Variants in CADM2 observed in about 807,000 individuals in gnomAD.
CADM2 encodes cell adhesion molecule 2, also known as immunoglobulin superfamily member 4D.
CADM2 carries 12 observed loss-of-function variants against 49.8 expected under a neutral mutation model. The observed-to-expected ratio is 0.24, with a 90% CI of 0.15 to 0.39. The LOEUF is 0.39. Among genes scored for constraint, CADM2 ranks in the 10% least tolerant of loss-of-function variants. The pLI, the probability that CADM2 is intolerant of heterozygous loss-of-function variation, is 1.00. For missense variants in CADM2, 378 were observed against 492.3 expected, an observed-to-expected ratio of 0.77 and a Z score of 2.20; for synonymous variants, 214 against 175.4, an observed-to-expected ratio of 1.22 and a Z score of -1.74.
intron 1 of CADM2, among the ~76,000 whole-genome samples, chr3:85,179,452 T>C (rs2040868724): frequency 6.6e-6 from 1 of 152,062 alleles, no homozygotes; most frequent in Non-Finnish European, 1.5e-5. Context: ...TTGCTTTTTT[T>C]TGGTATGTTT....
intron 3 of CADM2, among the ~76,000 whole-genome samples, chr3:85,883,008 C>T (rs1057361448): frequency 6.6e-6 from 1 of 152,148 alleles, no homozygotes; most frequent in Non-Finnish European, 1.5e-5. Context: ...CTATGTTTAT[C>T]AACATCAGTA....
intron 1 of CADM2, among the ~76,000 whole-genome samples, chr3:85,665,978 A>G (rs1188526678): frequency 4.6e-5 from 7 of 151,988 alleles, no homozygotes; most frequent in Admixed American, 4.6e-4. Context: ...ACATGAGTGT[A>G]TATTTAGAAA....
intron 1 of CADM2, among the ~76,000 whole-genome samples, chr3:85,007,283 G>T (rs1335442146): frequency 6.6e-6 from 1 of 152,012 alleles, no homozygotes; most frequent in Non-Finnish European, 1.5e-5. Context: ...CTAGTGTGAG[G>T]TCAGCAATTT....
At chr3:85,635,279 C>T (rs1397611744) in intron 1 of CADM2, among the ~76,000 whole-genome samples, 1 of 152,036 alleles carries the variant, frequency 6.6e-6, no homozygotes, top group Non-Finnish European at 1.5e-5. Flanking sequence ...GGAATAGAAC[C>T]TAGATCTTCT....
chr3:85,870,872 C>T (rs539085545), intron 3 of CADM2, among the ~76,000 whole-genome samples: 4 of 152,078 alleles, frequency 2.6e-5, no homozygotes, highest in South Asian at 4.1e-4. Flanking sequence ...CCTTCTTATA[C>T]CATATACAAA....
chr3:85,407,890 T>C (rs1396606621), intron 1 of CADM2, among the ~76,000 whole-genome samples: 2 of 151,382 alleles, frequency 1.3e-5, no homozygotes, highest in African/African-American at 4.9e-5. Flanking sequence ...GTGCCTGCAG[T>C]CCTAGCTACT....
intron 1 of CADM2, among the ~76,000 whole-genome samples, chr3:85,149,109 TA>T (rs60149715): frequency 1.3e-5 from 2 of 151,728 alleles, no homozygotes; most frequent in Non-Finnish European, 2.9e-5. Flanking sequence ...CTTTTTTTTT[TA>T]AAAAAATCAA....
At chr3:85,445,269 T>C (rs4856572) in intron 1 of CADM2, among the ~76,000 whole-genome samples, 76,245 of 151,880 alleles carry the variant, frequency 0.5, 22,288 homozygotes, top group East Asian at 0.83. Flanking sequence ...GATTCACCAT[T>C]AAGGGTGGCA....
chr3:85,265,187 A>G (rs1307076399), intron 1 of CADM2, among the ~76,000 whole-genome samples: 2 of 152,038 alleles, frequency 1.3e-5, no homozygotes, highest in Non-Finnish European at 2.9e-5. Context: ...CCATAATGAC[A>G]AAACTTTAGA....
At chr3:85,773,051 C>A (rs1480172518) in intron 2 of CADM2, among the ~76,000 whole-genome samples, 1 of 151,972 alleles carries the variant, frequency 6.6e-6, no homozygotes, top group Non-Finnish European at 1.5e-5. Flanking sequence ...AGCTGAGATA[C>A]ACATATTTTT....
chr3:86,042,607 A>G (rs2107255945), intron 8 of CADM2, among the ~76,000 whole-genome samples: 1 of 152,156 alleles, frequency 6.6e-6, no homozygotes, highest in East Asian at 1.9e-4. Flanking sequence ...AACCAAAAAA[A>G]GTCCAGGACC....
At chr3:85,389,559 A>G (rs1368743) in intron 1 of CADM2, among the ~76,000 whole-genome samples, 38,462 of 151,956 alleles carry the variant, frequency 0.25, 5,044 homozygotes, top group South Asian at 0.34. Flanking sequence ...TATAATGTGT[A>G]TTCAAATTCA....
chr3:85,501,970 T>C (rs1214468594), intron 1 of CADM2, among the ~76,000 whole-genome samples: 1 of 150,682 alleles, frequency 6.6e-6, no homozygotes, highest in Non-Finnish European at 1.5e-5. Context: ...GAGAAAAGAC[T>C]AATATAATTC....
At chr3:86,034,283 G>T (rs79049005) in intron 8 of CADM2, among the ~76,000 whole-genome samples, 2,231 of 152,044 alleles carry the variant, frequency 0.015, 51 homozygotes, top group African/African-American at 0.051. Context: ...AAATTTATGT[G>T]TTGAAAGTTC....
intron 1 of CADM2, among the ~76,000 whole-genome samples, chr3:85,651,762 A>G (rs987656474): frequency 1.3e-5 from 2 of 151,904 alleles, no homozygotes; most frequent in Non-Finnish European, 2.9e-5. Context: ...TTGGTTTACA[A>G]TACATAATCT....
chr3:85,558,939 G>A (rs2062024381), intron 1 of CADM2, among the ~76,000 whole-genome samples: 1 of 152,012 alleles, frequency 6.6e-6, no homozygotes, highest in Non-Finnish European at 1.5e-5. Context: ...CAAACAGACA[G>A]CAAGCCAAAC....
intron 8 of CADM2, among the ~76,000 whole-genome samples, chr3:86,001,829 A>G (rs899027779): frequency 1.1e-4 from 16 of 152,162 alleles, no homozygotes; most frequent in African/African-American, 3.9e-4. Context: ...AAAGAGAAAA[A>G]TATACAAATC....
At chr3:86,030,141 A>G (rs1030090430) in intron 8 of CADM2, among the ~76,000 whole-genome samples, 1 of 152,052 alleles carries the variant, frequency 6.6e-6, no homozygotes, top group African/African-American at 2.4e-5. Context: ...TGAAGACTTT[A>G]AAGAGAATGT....
intron 8 of CADM2, among the ~76,000 whole-genome samples, chr3:85,971,867 G>C (rs183401901): frequency 1.3e-5 from 2 of 151,438 alleles, no homozygotes; most frequent in African/African-American, 4.8e-5. Context: ...GACAGTTACC[G>C]CCTACAGTTT....
Sources: gnomAD v4.1 joint callset for allele counts (sites outside exome capture counted in the v4.1 genomes callset) on GRCh38, gnomAD v4.1.1 for gene constraint, MANE v1.5 for transcripts, NCBI Gene and HGNC (gene_info 2026-07-23, HGNC 2026-07-21) for gene names.